Variants in EFCAB12 observed in about 807,000 individuals in gnomAD.
EFCAB12 encodes EF-hand calcium binding domain 12.
Under a neutral mutation model 53.6 loss-of-function variants are expected in EFCAB12, and 43 were observed. The observed-to-expected ratio is 0.80, with a 90% CI of 0.63 to 1.03. EFCAB12 has a LOEUF of 1.03. Ranked by LOEUF, EFCAB12 falls within the 50% of genes least tolerant of loss-of-function variation. The pLI is 0.00. For synonymous variants in EFCAB12, 269 were observed against 289.2 expected, an observed-to-expected ratio of 0.93 and a Z score of 0.71; for missense variants, 646 against 730.6, an observed-to-expected ratio of 0.88 and a Z score of 1.34.
intron 1 of EFCAB12, among the ~76,000 whole-genome samples, chr3:129,426,350 T>G (rs1292424908): frequency 2.5e-5 from 3 of 122,396 alleles, no homozygotes; most frequent in African/African-American, 8.4e-5. Flanking sequence ...GCTTACAGGG[T>G]TTTTTTTTGT....
At chr3:129,415,138 G>T in intron 4 of EFCAB12, 107 bp downstream of exon 4, 1 of 1,366,188 alleles carries the variant, frequency 7.3e-7, no homozygotes. Context: ...GGCCAAAACT[G>T]GGGAACACAC....
At chr3:129,426,338 T>C (rs925597606) in intron 1 of EFCAB12, among the ~76,000 whole-genome samples, 2 of 150,416 alleles carry the variant, frequency 1.3e-5, no homozygotes, top group African/African-American at 4.9e-5. Context: ...TCCACTTGGA[T>C]GGCTTACAGG....
chr3:129,411,088 T>C, intron 5 of EFCAB12, 70 bp downstream of exon 5: 1 of 1,497,446 alleles, frequency 6.7e-7, no homozygotes, highest in Non-Finnish European at 9.0e-7. Context: ...CGGGTGGTGC[T>C]GCTGCGGTGA....
intron 3 of EFCAB12, among the ~76,000 whole-genome samples, chr3:129,417,383 A>C (rs1183625179): frequency 7.9e-5 from 12 of 151,816 alleles, no homozygotes; most frequent in Non-Finnish European, 1.8e-4. Flanking sequence ...AAAACTAAAA[A>C]CAAAAAACCT....
chr3:129,408,736 C>G lies in EFCAB12; in HGVS notation c.1158G>C (p.Ser386=), dbSNP rs780246296. Residue 386 remains serine, a synonymous_variant, in exon 6 of 9, where the codon TCG becomes TCC. Transcript: ENST00000505956. ...IHGDMRELID[S]ARRHNFLVYL... is the part of the protein sequence containing the mutation. ...AGACCAGAAAGTTGTGCCTGCGGGC[C>G]GAGTCAATGAGCTCCCTCATATCCC... 2.5e-6 allele frequency: 4 copies of G among 1,584,616 alleles called. No homozygotes were observed. The highest frequency in any genetic ancestry group is 2.6e-6 in the Non-Finnish European group (3 of 1,164,500).
Position 129,406,888 on chromosome 3 carries a change from T to A in EFCAB12, c.1249+1757A>T, listed in dbSNP as rs575875591. ...TGGGTTTTTTTTTTTTTTGACAGGG[T>A]CTCGCTCTGTCACTCAGGCTGGAGT... On this transcript the variant is annotated intron_variant, in intron 6 of 8. Coordinates refer to ENST00000505956, the MANE Select transcript of EFCAB12 (RefSeq NM_207307.3). Among the ~76,000 whole-genome samples the A allele has an allele frequency of 1.0e-3, 148 of 147,402 alleles. 1 individual carries two copies. Among genetic ancestry groups the A allele is most frequent in the African/African-American group, 3.7e-3 (146 of 39,696 alleles).
rs376789425 is a variant in EFCAB12 at position 129,428,441 on chromosome 3, G to A, written c.48C>T (p.Leu16=). 84 of 1,608,462 alleles carry A rather than the reference G, an allele frequency of 5.2e-5. No individual in the cohort carries two copies. The highest frequency in any genetic ancestry group is 3.3e-4 in the Middle Eastern group (2 of 6,058). The part of the protein sequence containing the change: ...EAYHSLFLSL[L]GLCPSKTPIN... ...CAGACGCTTCTTCCCGGGGCTTACC[G>A]AGCAGCGACAAGAACAGACTGTGGT... The change falls in exon 1 of 9, where the codon CTC becomes CTT. Residue 16 remains leucine, a splice_region_variant and synonymous_variant. Coordinates refer to ENST00000505956, the MANE Select transcript of EFCAB12 (RefSeq NM_207307.3).
chr3:129,401,418 C>A lies in EFCAB12; in HGVS notation c.*175G>T. On this transcript the variant is annotated 3_prime_UTR_variant, in exon 9 of 9. Coordinates refer to ENST00000505956, the MANE Select transcript of EFCAB12 (RefSeq NM_207307.3). Reference sequence around the variant, plus strand: ...GCACGTCATTCCTTGGACACATCTACCCTCTGAGACACTGGACACTTTGAG... The same window carrying A: ...GCACGTCATTCCTTGGACACATCTAACCTCTGAGACACTGGACACTTTGAG... 1 of 838,724 alleles carries A rather than the reference C, an allele frequency of 1.2e-6. No individual in the cohort carries two copies. The highest frequency in any genetic ancestry group is 1.8e-6 in the Non-Finnish European group (1 of 567,646). 52.0% of individuals were successfully genotyped at this position (838,724 alleles called of 1,614,324 possible).
chr3:129,408,340 T>C (rs2071980347), intron 6 of EFCAB12, among the ~76,000 whole-genome samples: 2 of 152,350 alleles, frequency 1.3e-5, no homozygotes, highest in Non-Finnish European at 2.9e-5. Context: ...CTCCTGTCCT[T>C]GGAGCTTTCT....
At chr3:129,406,409 G>A (rs957421768) in intron 6 of EFCAB12, among the ~76,000 whole-genome samples, 7 of 152,098 alleles carry the variant, frequency 4.6e-5, no homozygotes, top group Admixed American at 3.9e-4. Flanking sequence ...ACTTGTGATG[G>A]GCCAAATTGT....
At chr3:129,419,033 G>C in intron 2 of EFCAB12, among the ~76,000 whole-genome samples, 1 of 152,158 alleles carries the variant, frequency 6.6e-6, no homozygotes, top group East Asian at 1.9e-4. Context: ...TATTATAATA[G>C]AGACCCACCT....
Position 129,428,613 on chromosome 3 carries a change from C to G in EFCAB12, c.-125G>C. The G allele has an allele frequency of 8.2e-7, 1 of 1,222,688 alleles. No homozygotes were observed. Among genetic ancestry groups the G allele is most frequent in the Admixed American group, 2.5e-5 (1 of 40,640 alleles). The allele number at this position is 1,222,688 out of a possible 1,614,324, so 75.7% of individuals were successfully genotyped here. ...TCCAAGTCGTGCGAAAGGCGCTCAGCTCAGACTGCAGAAGCAACCTGTTGC... is the reference window on the plus strand; with the variant it reads ...TCCAAGTCGTGCGAAAGGCGCTCAGGTCAGACTGCAGAAGCAACCTGTTGC... On this transcript the variant is annotated 5_prime_UTR_variant, in exon 1 of 9. Coordinates refer to ENST00000505956, the MANE Select transcript of EFCAB12 (RefSeq NM_207307.3).
At chr3:129,407,741 C>T (rs1272616421) in intron 6 of EFCAB12, among the ~76,000 whole-genome samples, 3 of 152,164 alleles carry the variant, frequency 2.0e-5, no homozygotes, top group Non-Finnish European at 4.4e-5. Context: ...TGGTGAAACC[C>T]CATCTCTACT....
chr3:129,417,920 T>G (rs1274796423), intron 3 of EFCAB12, among the ~76,000 whole-genome samples: 1 of 152,092 alleles, frequency 6.6e-6, no homozygotes, highest in East Asian at 1.9e-4. Flanking sequence ...TCTACCAGCT[T>G]TCTCTGATCT....
intron 3 of EFCAB12, 78 bp downstream of exon 3, chr3:129,418,176 G>A: frequency 1.5e-6 from 2 of 1,350,754 alleles, no homozygotes; most frequent in East Asian, 2.5e-5. Flanking sequence ...TGGCGGGGGA[G>A]GGGCGGGGGT....
At chr3:129,428,416 C>CA (rs1245021321) in intron 1 of EFCAB12, 24 bp downstream of exon 1, 13 of 1,597,446 alleles carry the variant, frequency 8.1e-6, no homozygotes, top group Non-Finnish European at 1.1e-5. Context: ...GCGCTCCCTG[C>CA]AGACGCTTCT....
chr3:129,416,145 G>A (rs1227077879), intron 3 of EFCAB12, among the ~76,000 whole-genome samples: 1 of 150,936 alleles, frequency 6.6e-6, no homozygotes. Flanking sequence ...CTGGCTGGAC[G>A]TTGTGCCTCA....
chr3:129,423,521 A>G (rs578190242), intron 1 of EFCAB12, among the ~76,000 whole-genome samples: 14 of 151,824 alleles, frequency 9.2e-5, no homozygotes, highest in Non-Finnish European at 1.8e-4. Context: ...GCAGCTCCTC[A>G]GGAGGCTGAG....
At chr3:129,415,215 T>C (rs2072098946) in intron 4 of EFCAB12, 30 bp downstream of exon 4, 1 of 1,552,098 alleles carries the variant, frequency 6.4e-7, no homozygotes, top group African/African-American at 1.4e-5. Context: ...GACGGGGAGG[T>C]GGAGGCACAG....
Sources: gnomAD v4.1 joint callset for allele counts (sites outside exome capture counted in the v4.1 genomes callset) on GRCh38, gnomAD v4.1.1 for gene constraint, MANE v1.5 for transcripts, NCBI Gene and HGNC (gene_info 2026-07-23, HGNC 2026-07-21) for gene names.